Variants in SLC9A3 observed in about 807,000 individuals in gnomAD.
SLC9A3 encodes the protein sodium/hydrogen exchanger 3.
In SLC9A3, 37 loss-of-function variants were observed where a neutral mutation model predicts 86.8. The ratio of observed to expected loss-of-function variants is 0.43; its 90% CI spans 0.33 to 0.56. SLC9A3 has a LOEUF of 0.56. SLC9A3 is among the 20% of genes least tolerant of loss of function. SLC9A3 has a pLI of 0.06. For synonymous variants in SLC9A3, 581 were observed against 528.3 expected, an observed-to-expected ratio of 1.10 and a Z score of -1.37; for missense variants, 1,011 against 1,171.9, an observed-to-expected ratio of 0.86 and a Z score of 2.00.
Position 521,241 on chromosome 5 carries a change from C to CA in SLC9A3, c.211+2870_211+2871insT, listed in dbSNP as rs780392108. Among the ~76,000 whole-genome samples the CA allele has an allele frequency of 5.4e-3, 827 of 152,374 alleles. 3 individuals carry two copies. Among genetic ancestry groups the CA allele is most frequent in the Middle Eastern group, 0.01 (3 of 294 alleles). On this transcript the variant is annotated intron_variant, in intron 1 of 16. Coordinates refer to ENST00000264938, the MANE Select transcript of SLC9A3 (RefSeq NM_004174.4). ...GGGGAGCCCTTGCCGGAGCCAGACA[C>CA]GCGGCCTGAGGCTGGTGGGCCAACA...
At chr5:489,120 C>T (rs1334829059) in intron 2 of SLC9A3, among the ~76,000 whole-genome samples, 2 of 152,214 alleles carry the variant, frequency 1.3e-5, no homozygotes, top group Non-Finnish European at 2.9e-5. Context: ...ACCCAGGGTT[C>T]AGGCCTCGAG....
chr5:500,729 C>T (rs58744288), intron 1 of SLC9A3, among the ~76,000 whole-genome samples: 8 of 27,884 alleles, frequency 2.9e-4, no homozygotes, highest in East Asian at 1.3e-3. Flanking sequence ...TGGGTGTGGA[C>T]GGGGCTGGTG....
chr5:477,451 T>A lies in SLC9A3; in HGVS notation c.1648-7A>T, dbSNP rs1464671614. On this transcript the variant is annotated splice_region_variant and splice_polypyrimidine_tract_variant and intron_variant, in intron 10 of 16. Transcript: ENST00000264938. ...GGGACCCGCGGCGCTCTCCCTGTGG[T>A]CAGGAAGCAGCCCGGTCAGTGGCCT... 2 of 1,605,428 alleles carry A rather than the reference T, an allele frequency of 1.2e-6. No homozygotes were observed. The highest frequency in any genetic ancestry group is 1.7e-6 in the Non-Finnish European group (2 of 1,174,516).
At chr5:479,125 C>T (rs1486525436) in intron 10 of SLC9A3, 1 of 152,458 alleles carries the variant, frequency 6.6e-6, no homozygotes, top group African/African-American at 2.4e-5. Flanking sequence ...CCAAAGCTCG[C>T]TAGGGAGGGC....
rs541507703 is a variant in SLC9A3, at chr5:497,060, A to T, written c.212-4989T>A. On this transcript the variant is annotated intron_variant, in intron 1 of 16. Transcript: ENST00000264938. This position sits in a 1 kb window ranked among gnomAD's most constrained non-coding sequence, Gnocchi z 5.4. ...ACGGAGGCCTTGTCTCAAAAAAAAA[A>T]TTTTTTTTTTACTTGAATTTAACAG... Among the ~76,000 whole-genome samples, 565 of 150,978 alleles carry T rather than the reference A, an allele frequency of 3.7e-3. 5 individuals are homozygous for T. Among genetic ancestry groups the T allele is most frequent in the Non-Finnish European group, 5.5e-3 (369 of 67,606 alleles).
intron 1 of SLC9A3, among the ~76,000 whole-genome samples, chr5:520,346 G>A (rs771626128): frequency 2.6e-5 from 4 of 152,134 alleles, no homozygotes; most frequent in Admixed American, 6.5e-5. Flanking sequence ...CCTTTTGGTC[G>A]GGTCCTGTCG....
Position 491,039 on chromosome 5 carries a change from C to T in SLC9A3, c.514+730G>A, listed in dbSNP as rs537951527. On this transcript the variant is annotated intron_variant, in intron 2 of 16. Coordinates refer to ENST00000264938, the MANE Select transcript of SLC9A3 (RefSeq NM_004174.4). This position sits in a 1 kb window ranked among gnomAD's most constrained non-coding sequence, Gnocchi z 9.2. ...TCTCTTGAACCAGACGGAAAATCGC[C>T]AATTCTTGTGAGTCTGGTTCAGCTG... 6.6e-6 allele frequency among the ~76,000 whole-genome samples: 1 copy of T among 152,342 alleles called. No individual in the cohort carries two copies. Among genetic ancestry groups the T allele is most frequent in the South Asian group, 2.1e-4 (1 of 4,832 alleles).
chr5:514,670 G>A (rs4956949), intron 1 of SLC9A3, among the ~76,000 whole-genome samples: 110,798 of 152,244 alleles, frequency 0.73, 40,470 homozygotes, highest in Admixed American at 0.75. Context: ...ATCTGAGGAC[G>A]GAGCCCGCAG....
At chr5:520,380 G>T (rs1165192999) in intron 1 of SLC9A3, among the ~76,000 whole-genome samples, 1 of 152,180 alleles carries the variant, frequency 6.6e-6, no homozygotes, top group Non-Finnish European at 1.5e-5. Flanking sequence ...CAGAGCTGCA[G>T]GGCGAGGTCA....
intron 1 of SLC9A3, among the ~76,000 whole-genome samples, chr5:505,124 C>G (rs1253425372): frequency 1.4e-5 from 2 of 145,774 alleles, no homozygotes; most frequent in African/African-American, 5.2e-5. Flanking sequence ...AAATGAGAAA[C>G]AGCATCCTCC....
chr5:502,675 G>C (rs1400640561), intron 1 of SLC9A3, among the ~76,000 whole-genome samples: 1 of 152,244 alleles, frequency 6.6e-6, no homozygotes, highest in Non-Finnish European at 1.5e-5. Flanking sequence ...AAAAGGACAA[G>C]CCGCAGCGGT....
chr5:479,519 G>C (rs1405300714), intron 10 of SLC9A3: 1 of 338,054 alleles, frequency 3.0e-6, no homozygotes. Context: ...ATTGGGACCA[G>C]GTCCCGTAAC....
At chr5:510,692 G>A (rs943086103) in intron 1 of SLC9A3, among the ~76,000 whole-genome samples, 6 of 152,228 alleles carry the variant, frequency 3.9e-5, no homozygotes, top group Non-Finnish European at 5.9e-5. Context: ...CCAGGCAGGC[G>A]GCCGTGGATG....
chr5:502,185 G>C (rs896320935), intron 1 of SLC9A3, among the ~76,000 whole-genome samples: 4 of 152,232 alleles, frequency 2.6e-5, no homozygotes, highest in African/African-American at 9.6e-5. Context: ...CCGCGCTGGG[G>C]CAAAATGAAC....
intron 1 of SLC9A3, among the ~76,000 whole-genome samples, chr5:498,861 C>G (rs1253296567): frequency 6.6e-6 from 1 of 152,194 alleles, no homozygotes; most frequent in African/African-American, 2.4e-5. Flanking sequence ...TGCTTTCTAC[C>G]CATTCTCCTG....
intron 5 of SLC9A3, among the ~76,000 whole-genome samples, chr5:483,885 C>T (rs879781505): frequency 6.6e-5 from 10 of 152,276 alleles, no homozygotes; most frequent in Non-Finnish European, 4.4e-5. Context: ...GGAGCGCCAG[C>T]GGAGCGGGCG....
intron 1 of SLC9A3, among the ~76,000 whole-genome samples, chr5:514,459 C>T (rs1033044771): frequency 4.3e-4 from 66 of 152,348 alleles, no homozygotes; most frequent in African/African-American, 1.4e-3. Context: ...CCCTGCCCCC[C>T]GAGGCCCATC....
In SLC9A3 at chr5:483,177, C is replaced by G; in HGVS notation, c.1153+85G>C. The G allele has an allele frequency of 2.8e-6, 3 of 1,076,884 alleles. No homozygotes were observed. In the South Asian group the frequency reaches 4.3e-5, roughly 15 times the overall value. The allele number at this position is 1,076,884 out of a possible 1,614,324, so 66.7% of individuals were successfully genotyped here. On this transcript the variant is annotated intron_variant, in intron 6 of 16. Transcript: ENST00000264938. ...TGCACGGGGCTGCACCTCCATCTCC[C>G]TGGGCCCAGTAGAAAGCCTGCGCCT...
rs1014210037 is a variant in SLC9A3, at chr5:496,227, G to A, written c.212-4156C>T. Among the ~76,000 whole-genome samples, 2 of 152,164 alleles carry A rather than the reference G, an allele frequency of 1.3e-5. No individual in the cohort carries two copies. Among genetic ancestry groups the A allele is most frequent in the Non-Finnish European group, 2.9e-5 (2 of 68,048 alleles). ...TGGACACGCCTTTCCCATGTGCGGT[G>A]GCGTCCGAGGGCAGCTCCTGCAGTC... On this transcript the variant is annotated intron_variant, in intron 1 of 16. Coordinates refer to ENST00000264938, the MANE Select transcript of SLC9A3 (RefSeq NM_004174.4). This position sits in a 1 kb window ranked among gnomAD's most constrained non-coding sequence, Gnocchi z 4.7.
Sources: gnomAD v4.1 joint callset for allele counts (sites outside exome capture counted in the v4.1 genomes callset) on GRCh38, gnomAD v4.1.1 for gene constraint, Gnocchi (gnomAD v3.1) non-coding constraint, MANE v1.5 for transcripts, NCBI Gene and HGNC (gene_info 2026-07-23, HGNC 2026-07-21) for gene names.